Variants in ZFP1 observed in about 807,000 individuals in gnomAD.
ZFP1 encodes zinc finger protein 1 homolog.
In ZFP1, 32 loss-of-function variants were observed where a neutral mutation model predicts 38.5. The observed-to-expected ratio is 0.83, with a 90% CI of 0.63 to 1.12. The LOEUF is 1.12. ZFP1 is among the 50% of genes most tolerant of loss of function. The probability of loss-of-function intolerance (pLI) is 0.00; values close to 1 mark genes in which losing one functional copy is unlikely to be tolerated. For missense variants in ZFP1, 616 were observed against 480.8 expected (o/e 1.28, Z -2.63); for synonymous variants, 245 against 168.8 (o/e 1.45, Z -3.50).
chr16:75,156,392 G>A (rs959750746), intron 2 of ZFP1, among the ~76,000 whole-genome samples: 18 of 152,170 alleles, frequency 1.2e-4, no homozygotes, highest in Non-Finnish European at 2.6e-4. Context: ...AGGAGGTGGA[G>A]GCTGCAGTGA....
In ZFP1 at chr16:75,150,753, A is replaced by G. The variant is rs537653471; in HGVS notation, c.-44+2110A>G. Reference sequence around the variant, plus strand: ...TGTAGTTTGTTTTAAGGTCGAGGATATGATGATCTCTCTGGGTAACTGTTT... The same window carrying G: ...TGTAGTTTGTTTTAAGGTCGAGGATGTGATGATCTCTCTGGGTAACTGTTT... On this transcript the variant is annotated intron_variant, in intron 1 of 3. Coordinates refer to ENST00000570010, the MANE Select transcript of ZFP1 (RefSeq NM_153688.4). Among the ~76,000 whole-genome samples the G allele has an allele frequency of 2.6e-5, 4 of 152,066 alleles. No individual in the cohort carries two copies. The East Asian group carries it at 5.9e-4, about 22-fold the overall frequency.
At chr16:75,145,041 C>T (rs576825489), upstream of ZFP1, among the ~76,000 whole-genome samples, 2 of 152,298 alleles carry the variant, frequency 1.3e-5, no homozygotes, top group South Asian at 2.1e-4. Context: ...CACGTTGTAG[C>T]GTGTACCAGA....
At chr16:75,169,076 C>G (rs1250638331) in intron 3 of ZFP1, among the ~76,000 whole-genome samples, 177 bp from the exon 4 acceptor site, 1 of 152,102 alleles carries the variant, frequency 6.6e-6, no homozygotes, top group Non-Finnish European at 1.5e-5. Flanking sequence ...AAGCTATTAC[C>G]TTTCTCTTTC....
At chr16:75,148,806 A>AACGGGGCCG (rs1372694899) in intron 1 of ZFP1, 163 bp downstream of exon 1, 5 of 152,256 alleles carry the variant, frequency 3.3e-5, no homozygotes, top group African/African-American at 1.2e-4. Flanking sequence ...CTCGCCTCTG[A>AACGGGGCCG]ACGGGGCCGG....
intron 2 of ZFP1, chr16:75,157,140 C>G (rs189640978): frequency 2.4e-4 from 36 of 151,930 alleles, no homozygotes; most frequent in African/African-American, 8.4e-4. Context: ...TTTGCAGCGT[C>G]TCTTTTTTGG....
chr16:75,143,794 G>C (rs1195781733), upstream of ZFP1, among the ~76,000 whole-genome samples: 1 of 151,694 alleles, frequency 6.6e-6, no homozygotes, highest in Admixed American at 6.6e-5. Flanking sequence ...TGGAACTACA[G>C]GTGCATGCCA....
At chr16:75,142,072 A>G in the ZFP1 span, among the ~76,000 whole-genome samples, 1 of 148,320 alleles carries the variant, frequency 6.7e-6, no homozygotes, top group Non-Finnish European at 1.5e-5. Flanking sequence ...AAAAAAAAAA[A>G]AGAGGCTGGG....
At chr16:75,123,419 A>G in the ZFP1 span, among the ~76,000 whole-genome samples, 1 of 130,428 alleles carries the variant, frequency 7.7e-6, no homozygotes, top group African/African-American at 2.9e-5. Flanking sequence ...CTACAAATAT[A>G]TATATAAGAA....
At chr16:75,158,350 A>C (rs2037572020) in intron 2 of ZFP1, among the ~76,000 whole-genome samples, 1 of 146,266 alleles carries the variant, frequency 6.8e-6, no homozygotes, top group Admixed American at 6.8e-5. Flanking sequence ...TTTTTTTTTT[A>C]ATTTTTTTTA....
the ZFP1 span, among the ~76,000 whole-genome samples, chr16:75,140,194 A>G: frequency 0.088 from 13,300 of 151,762 alleles, 1,964 homozygotes; most frequent in African/African-American, 0.3. Context: ...CTTGAACCTG[A>G]GAGGTAGACG....
chr16:75,131,944 G>A, the ZFP1 span, among the ~76,000 whole-genome samples: 6 of 151,210 alleles, frequency 4.0e-5, no homozygotes, highest in South Asian at 2.1e-4. Context: ...CAGCCGGGAC[G>A]ACAGAGTGAC....
the ZFP1 span, among the ~76,000 whole-genome samples, chr16:75,120,454 T>G: frequency 2.6e-5 from 4 of 152,166 alleles, no homozygotes; most frequent in African/African-American, 9.6e-5. Flanking sequence ...AACAGGCAAG[T>G]TCGTCTCGTC....
At chr16:75,137,711 C>T in the ZFP1 span, among the ~76,000 whole-genome samples, 3 of 151,966 alleles carry the variant, frequency 2.0e-5, no homozygotes, top group African/African-American at 7.2e-5. Context: ...CGTGATCCGC[C>T]CGCCTTGGCT....
intron 2 of ZFP1, among the ~76,000 whole-genome samples, chr16:75,161,232 C>T (rs2037756716): frequency 6.6e-6 from 1 of 151,948 alleles, no homozygotes; most frequent in Non-Finnish European, 1.5e-5. Context: ...CCACGCCTGG[C>T]TAATTTTTGT....
At chr16:75,156,804 C>T (rs2037491323) in intron 2 of ZFP1, among the ~76,000 whole-genome samples, 1 of 152,252 alleles carries the variant, frequency 6.6e-6, no homozygotes, top group East Asian at 1.9e-4. Context: ...TGACTGTTCT[C>T]ATCTGATCCA....
At position 75,163,070 on chromosome 16, in the gene ZFP1, C is replaced by T. The variant is rs144991895; in HGVS notation, c.16-3700C>T. Among the ~76,000 whole-genome samples, 800 of 151,952 alleles carry T rather than the reference C, an allele frequency of 5.3e-3. 5 individuals are homozygous for T. The highest frequency in any genetic ancestry group is 8.9e-3 in the Non-Finnish European group (604 of 67,956). ...GATTACATGCGCCCACCACCACGTC[C>T]GGCTAATTTTTGTATTTTTAGTAGA... On this transcript the variant is annotated intron_variant, in intron 2 of 3. Transcript: ENST00000570010.
Position 75,170,361 on chromosome 16 carries a change from A to G in ZFP1, c.*27A>G, listed in dbSNP as rs186777231. 1.7e-3 allele frequency: 2,663 copies of G among 1,537,854 alleles called. 4 individuals are homozygous for G. Among genetic ancestry groups the G allele is most frequent in the Admixed American group, 2.6e-3 (126 of 48,802 alleles). ...ACTCCAGCCAGGTCTTACTGTGGAA[A>G]ACTCCTGCCAGAACTCTTCAAGCGG... is the stretch of plus-strand genomic sequence containing the variant. On this transcript the variant is annotated 3_prime_UTR_variant, in exon 4 of 4. Coordinates refer to ENST00000570010, the MANE Select transcript of ZFP1 (RefSeq NM_153688.4).
At chr16:75,169,052 G>GT (rs1161140914) in intron 3 of ZFP1, among the ~76,000 whole-genome samples, 2 of 152,122 alleles carry the variant, frequency 1.3e-5, no homozygotes, top group East Asian at 3.9e-4. Context: ...GTTTTGTTTT[G>GT]TTTTTTTAAC....
At chr16:75,159,309 CTCCT>C in intron 2 of ZFP1, among the ~76,000 whole-genome samples, 1 of 26,532 alleles carries the variant, frequency 3.8e-5, no homozygotes. Flanking sequence ...CCTCCCTTCC[CTCCT>C]TTCCCTCCTT....
Sources: allele counts gnomAD v4.1 joint callset (sites outside exome capture counted in the v4.1 genomes callset), GRCh38; gene constraint gnomAD v4.1.1; transcripts MANE v1.5; gene names NCBI Gene and HGNC (gene_info 2026-07-23, HGNC 2026-07-21).